Variants in LRRC4C observed in about 807,000 individuals in gnomAD.
LRRC4C encodes the protein leucine-rich repeat-containing protein 4C.
In LRRC4C, 5 loss-of-function variants were observed where a neutral mutation model predicts 33.6. That is an observed-to-expected ratio of 0.15 (90% CI 0.08 to 0.31). The LOEUF is 0.31. Among genes scored for constraint, LRRC4C ranks in the 10% least tolerant of loss-of-function variants. The pLI, the probability that LRRC4C is intolerant of heterozygous loss-of-function variation, is 1.00. For missense variants in LRRC4C, 560 were observed against 796.7 expected, an observed-to-expected ratio of 0.70 and a Z score of 3.58; for synonymous variants, 329 against 302.0, an observed-to-expected ratio of 1.09 and a Z score of -0.93.
intron 1 of LRRC4C, among the ~76,000 whole-genome samples, chr11:41,006,790 C>T (rs1467314936): frequency 6.6e-6 from 1 of 152,066 alleles, no homozygotes; most frequent in East Asian, 1.9e-4. Context: ...TTTGCAATGT[C>T]TTATATTCAA....
chr11:40,787,577 T>TG (rs1341658108), intron 2 of LRRC4C, among the ~76,000 whole-genome samples: 4 of 152,234 alleles, frequency 2.6e-5, no homozygotes, highest in African/African-American at 9.6e-5. Flanking sequence ...CTGATCACTG[T>TG]TGTAAACTTA....
At chr11:40,714,044 G>C (rs920527057) in intron 2 of LRRC4C, among the ~76,000 whole-genome samples, 1 of 152,144 alleles carries the variant, frequency 6.6e-6, no homozygotes, top group Non-Finnish European at 1.5e-5. Context: ...TGCCCATTGT[G>C]ATGACAGCCA....
At chr11:41,246,500 C>T (rs1020715951) in intron 1 of LRRC4C, among the ~76,000 whole-genome samples, 4 of 152,126 alleles carry the variant, frequency 2.6e-5, no homozygotes, top group Non-Finnish European at 5.9e-5. Context: ...GCAGCTATAG[C>T]TGAGCTCAGA....
At chr11:40,837,789 G>T (rs1005229510) in intron 2 of LRRC4C, among the ~76,000 whole-genome samples, 17 of 151,724 alleles carry the variant, frequency 1.1e-4, no homozygotes, top group African/African-American at 3.9e-4. Context: ...AATCCAGGCT[G>T]CAGTGAGCCA....
chr11:40,554,405 C>CT (rs1376724953), intron 3 of LRRC4C, among the ~76,000 whole-genome samples: 1 of 152,152 alleles, frequency 6.6e-6, no homozygotes, highest in African/African-American at 2.4e-5. Flanking sequence ...ATGTATTTAG[C>CT]TTTTTTCTTT....
chr11:41,097,608 A>G lies in LRRC4C; in HGVS notation c.-495-163885T>C, dbSNP rs554086991. 2.0e-5 allele frequency among the ~76,000 whole-genome samples: 3 copies of G among 152,288 alleles called. No individual in the cohort carries two copies. In the Middle Eastern group the frequency reaches 0.01, roughly 518 times the overall value. On this transcript the variant is annotated intron_variant, in intron 1 of 6. Transcript: ENST00000528697. ...ACACCTAATGAAATATTTGAAATGA[A>G]TTTATCAGAATTATTCATCTACCCT...
rs374447597 is a variant in LRRC4C, at chr11:41,055,629, C to T, written c.-495-121906G>A. Among the ~76,000 whole-genome samples, 12 of 152,256 alleles carry T rather than the reference C, an allele frequency of 7.9e-5. No homozygotes were observed. The East Asian group carries it at 1.9e-3, about 24-fold the overall frequency. On this transcript the variant is annotated intron_variant, in intron 1 of 6. Coordinates refer to ENST00000528697, the MANE Select transcript of LRRC4C (RefSeq NM_001258419.2). ...CTCTTGTTGCATCCAGACAGCTAGT[C>T]TCTTATCCATAAATTTTATATCAAA...
At chr11:40,658,885 C>T (rs1429327352) in intron 2 of LRRC4C, among the ~76,000 whole-genome samples, 3 of 152,214 alleles carry the variant, frequency 2.0e-5, no homozygotes, top group East Asian at 3.9e-4. Context: ...GCAATGACCA[C>T]TGTGGGGATG....
At chr11:40,852,355 T>G (rs1258743934) in intron 2 of LRRC4C, among the ~76,000 whole-genome samples, 1 of 152,142 alleles carries the variant, frequency 6.6e-6, no homozygotes, top group African/African-American at 2.4e-5. Flanking sequence ...ATACATCATT[T>G]AATACCTTTC....
intron 4 of LRRC4C, among the ~76,000 whole-genome samples, chr11:40,285,160 A>G (rs1227252564): frequency 2.0e-5 from 3 of 152,196 alleles, no homozygotes; most frequent in African/African-American, 7.2e-5. Context: ...TACACAGGTT[A>G]GCCAGGATTT....
chr11:40,377,680 G>A lies in LRRC4C; in HGVS notation c.-269-57959C>T, dbSNP rs543780246. On this transcript the variant is annotated intron_variant, in intron 3 of 6. Coordinates refer to ENST00000528697, the MANE Select transcript of LRRC4C (RefSeq NM_001258419.2). The stretch of plus-strand genomic sequence containing the variant: ...TATTTTTTCTTCTAAGCAAAATTCT[G>A]ATAAAGGCTCTGGAGGAGAATGGAG... 1.3e-3 allele frequency among the ~76,000 whole-genome samples: 198 copies of A among 152,168 alleles called. 1 individual carries two copies. The highest frequency in any genetic ancestry group is 2.1e-3 in the Non-Finnish European group (145 of 67,960).
chr11:40,421,309 G>A (rs1284654103), intron 3 of LRRC4C, among the ~76,000 whole-genome samples: 1 of 152,178 alleles, frequency 6.6e-6, no homozygotes, highest in Non-Finnish European at 1.5e-5. Context: ...GGTATTATAG[G>A]GAACGTTTTG....
At chr11:41,374,561 A>C (rs544396932) in intron 1 of LRRC4C, among the ~76,000 whole-genome samples, 70 of 152,198 alleles carry the variant, frequency 4.6e-4, no homozygotes, top group Admixed American at 1.6e-3. Flanking sequence ...TTAATAAAAC[A>C]AAAAAGACGG....
At chr11:41,040,721 T>A (rs994703309) in intron 1 of LRRC4C, among the ~76,000 whole-genome samples, 1 of 152,184 alleles carries the variant, frequency 6.6e-6, no homozygotes, top group Admixed American at 6.5e-5. Flanking sequence ...ACATCCCCAA[T>A]TTATACAAAG....
chr11:41,334,861 GAAAC>G (rs149848168), intron 1 of LRRC4C, among the ~76,000 whole-genome samples: 10,437 of 150,658 alleles, frequency 0.069, 713 homozygotes, highest in African/African-American at 0.19. Flanking sequence ...TCCAAAGAAC[GAAAC>G]AAACAAACAA....
chr11:40,273,375 C>T (rs1942853575), intron 4 of LRRC4C, among the ~76,000 whole-genome samples: 1 of 152,092 alleles, frequency 6.6e-6, no homozygotes, highest in South Asian at 2.1e-4. Context: ...ATGATCAGTG[C>T]ATATAATTCA....
intron 5 of LRRC4C, among the ~76,000 whole-genome samples, chr11:40,241,053 C>A (rs1365509669): frequency 6.6e-6 from 1 of 152,038 alleles, no homozygotes; most frequent in Non-Finnish European, 1.5e-5. Context: ...TTTATAAAAG[C>A]CTTTTGGTTA....
chr11:40,304,748 T>C (rs2136692721), intron 4 of LRRC4C, among the ~76,000 whole-genome samples: 1 of 152,080 alleles, frequency 6.6e-6, no homozygotes, highest in South Asian at 2.1e-4. Context: ...TTTTTTTTTT[T>C]TGAGACAGAG....
chr11:41,255,143 T>A (rs1318512769), intron 1 of LRRC4C, among the ~76,000 whole-genome samples: 2 of 152,058 alleles, frequency 1.3e-5, no homozygotes, highest in Non-Finnish European at 2.9e-5. Flanking sequence ...AATTTTCCCC[T>A]GCCAGTGTTC....
Sources: allele counts gnomAD v4.1 joint callset (sites outside exome capture counted in the v4.1 genomes callset), GRCh38; gene constraint gnomAD v4.1.1; transcripts MANE v1.5; gene names NCBI Gene and HGNC (gene_info 2026-07-23, HGNC 2026-07-21).